Variants in PDZD2 observed in about 807,000 individuals in gnomAD.
The protein encoded by PDZD2 is PDZ domain-containing protein 2.
PDZD2 carries 90 observed loss-of-function variants against 220.7 expected under a neutral mutation model. The observed-to-expected ratio is 0.41, with a 90% confidence interval of 0.34 to 0.49. PDZD2 has a LOEUF of 0.49. PDZD2 is among the 20% of genes least tolerant of loss of function. PDZD2 has a pLI of 0.28. For synonymous variants in PDZD2, 1,375 were observed against 1,450.5 expected (o/e 0.95, Z 1.18); for missense variants, 3,174 against 3,608.5 (o/e 0.88, Z 3.08).
In PDZD2 at chr5:32,013,837, C is replaced by T. The variant is rs145351897; in HGVS notation, c.1407+3355C>T. ...AAGGCACTCACGGAGGAGGTGGAACCGGGCTTCATGCCTGGCCATCACCAA... is the reference window on the plus strand; with the variant it reads ...AAGGCACTCACGGAGGAGGTGGAACTGGGCTTCATGCCTGGCCATCACCAA... On this transcript the variant is annotated intron_variant, in intron 6 of 24. Coordinates refer to ENST00000438447, the MANE Select transcript of PDZD2 (RefSeq NM_178140.4). 3.9e-5 allele frequency among the ~76,000 whole-genome samples: 6 copies of T among 152,214 alleles called. No individual in the cohort carries two copies. The East Asian group carries it at 7.7e-4, about 20-fold the overall frequency.
intron 3 of PDZD2, among the ~76,000 whole-genome samples, chr5:31,990,192 TTA>T (rs541554781): frequency 2.3e-3 from 344 of 152,332 alleles, no homozygotes; most frequent in African/African-American, 7.7e-3. Flanking sequence ...AAAGTTGCTG[TTA>T]TAAAGTTTTA....
intron 2 of PDZD2, chr5:31,855,131 C>G (rs1367933817): frequency 3.0e-6 from 3 of 984,610 alleles, no homozygotes; most frequent in Non-Finnish European, 3.6e-6. Context: ...CCAGGAGCTC[C>G]GGAGAGGAAC....
chr5:31,862,779 G>C (rs1737845091), intron 2 of PDZD2, among the ~76,000 whole-genome samples: 1 of 152,100 alleles, frequency 6.6e-6, no homozygotes. Flanking sequence ...CCAGGCTGGA[G>C]TGCAGTGGCC....
At chr5:31,977,015 C>G (rs1561242639) in intron 2 of PDZD2, among the ~76,000 whole-genome samples, 1 of 149,386 alleles carries the variant, frequency 6.7e-6, no homozygotes, top group Non-Finnish European at 1.5e-5. Context: ...CGCGCCTGGC[C>G]AGTTTTGTTT....
At chr5:31,718,159 G>A (rs1213384081) in intron 1 of PDZD2, among the ~76,000 whole-genome samples, 1 of 152,204 alleles carries the variant, frequency 6.6e-6, no homozygotes, top group Non-Finnish European at 1.5e-5. Context: ...GGCAGGATGC[G>A]TGTGTCAAGG....
intron 2 of PDZD2, chr5:31,923,330 C>A: frequency 1.3e-6 from 1 of 783,876 alleles, no homozygotes; most frequent in Admixed American, 2.0e-5. Context: ...GCGGTGGTTG[C>A]TGTAAGGGGT....
At chr5:31,967,247 C>A (rs1174781943) in intron 2 of PDZD2, among the ~76,000 whole-genome samples, 1 of 152,120 alleles carries the variant, frequency 6.6e-6, no homozygotes, top group African/African-American at 2.4e-5. Context: ...GACATGCCGT[C>A]AATGTTTGAA....
At chr5:32,076,397 AT>A (rs1741303278) in intron 18 of PDZD2, among the ~76,000 whole-genome samples, 1 of 152,014 alleles carries the variant, frequency 6.6e-6, no homozygotes, top group South Asian at 2.1e-4. Flanking sequence ...GAGTTTTGTA[AT>A]TCTAAGTTAA....
At chr5:31,822,784 A>C in intron 2 of PDZD2, 1 of 998,994 alleles carries the variant, frequency 1.0e-6, no homozygotes, top group Non-Finnish European at 1.5e-6. Context: ...TTTTTCACCC[A>C]AGAAATTTCA....
At chr5:31,733,532 C>A (rs1032175750) in intron 1 of PDZD2, among the ~76,000 whole-genome samples, 1 of 152,148 alleles carries the variant, frequency 6.6e-6, no homozygotes, top group African/African-American at 2.4e-5. Flanking sequence ...GCACATGATC[C>A]AAGTCAGACA....
chr5:31,890,462 T>G (rs1439244781), intron 2 of PDZD2, among the ~76,000 whole-genome samples: 2 of 152,138 alleles, frequency 1.3e-5, no homozygotes, highest in African/African-American at 2.4e-5. Flanking sequence ...AGAGGGTCGA[T>G]TCCCGGTAGG....
chr5:31,755,821 T>G (rs1751276070), intron 1 of PDZD2, among the ~76,000 whole-genome samples: 1 of 152,146 alleles, frequency 6.6e-6, no homozygotes, highest in Admixed American at 6.5e-5. Context: ...GGCTGGGCTA[T>G]GTCATGAGTG....
In PDZD2 at chr5:32,087,514, G is replaced by T. The variant is rs1423558547; in HGVS notation, c.4066G>T (p.Gly1356Cys). ...CCAGGAGCAGAGACAGGGAGCTCCA[G>T]GTAACCACAGTAAGGCTCTGGAAAT... ...TSQEQRQGAP[G>C]NHSKALEMTG... is the part of the protein sequence containing the mutation. Residue 1356 changes from glycine (G) to cysteine (C), a missense_variant, in exon 20 of 25, where the codon GGT becomes TGT. Transcript: ENST00000438447. The surrounding 1 kb of genome is among the most constrained non-coding windows in gnomAD (Gnocchi z 4.0). 1 of 1,613,254 alleles carries T rather than the reference G, an allele frequency of 6.2e-7. No homozygotes were observed. The highest frequency in any genetic ancestry group is 2.2e-5 in the East Asian group (1 of 44,868).
intron 2 of PDZD2, among the ~76,000 whole-genome samples, chr5:31,875,610 A>ATTTT (rs1739235551): frequency 3.4e-5 from 5 of 147,388 alleles, no homozygotes; most frequent in African/African-American, 1.2e-4. Flanking sequence ...ATATATATAT[A>ATTTT]TTTTAAAAAT....
At chr5:31,891,350 C>A (rs1268732007) in intron 2 of PDZD2, among the ~76,000 whole-genome samples, 1 of 150,806 alleles carries the variant, frequency 6.6e-6, no homozygotes. Context: ...AAGTTTCATT[C>A]TTGTTGCCCA....
At chr5:31,954,828 C>G (rs985316287) in intron 2 of PDZD2, among the ~76,000 whole-genome samples, 12 of 151,954 alleles carry the variant, frequency 7.9e-5, no homozygotes, top group Non-Finnish European at 2.9e-5. Flanking sequence ...CCTAGCTGCT[C>G]GGGAAGCTGG....
Position 31,918,219 on chromosome 5 carries a change from A to G in PDZD2, c.477-64936A>G, listed in dbSNP as rs182961689. The stretch of plus-strand genomic sequence containing the variant: ...CCTCCCACCAGGTCCCTCCTCCAAC[A>G]ATGGGGATTAAAATTTACATAAGAT... On this transcript the variant is annotated intron_variant, in intron 2 of 24. Transcript: ENST00000438447. Among the ~76,000 whole-genome samples the G allele has an allele frequency of 1.3e-3, 204 of 152,302 alleles. 3 individuals are homozygous for G. The highest frequency in any genetic ancestry group is 3.5e-3 in the South Asian group (17 of 4,820).
chr5:31,897,594 T>C (rs1425943632), intron 2 of PDZD2, among the ~76,000 whole-genome samples: 1 of 152,238 alleles, frequency 6.6e-6, no homozygotes, highest in Non-Finnish European at 1.5e-5. Context: ...TGTGAAAATA[T>C]TCTCTTTTTC....
At chr5:32,063,607 T>A (rs1484273027) in intron 14 of PDZD2, among the ~76,000 whole-genome samples, 2 of 152,196 alleles carry the variant, frequency 1.3e-5, no homozygotes, top group Admixed American at 6.5e-5. Flanking sequence ...AGATCATCTA[T>A]TCTCATCCTA....
Sources: allele counts gnomAD v4.1 joint callset (sites outside exome capture counted in the v4.1 genomes callset), GRCh38; gene constraint gnomAD v4.1.1; non-coding constraint Gnocchi (gnomAD v3.1); transcripts MANE v1.5; gene names NCBI Gene and HGNC (gene_info 2026-07-23, HGNC 2026-07-21).